ZNF385D: variants seen among roughly 807,000 people sequenced by gnomAD.
ZNF385D encodes the protein zinc finger protein 385D, also known as zinc finger protein 659.
A neutral mutation model predicts 35.8 loss-of-function variants in ZNF385D; 15 were observed. The observed-to-expected ratio is 0.42, with a 90% CI of 0.28 to 0.64. The LOEUF is 0.64. Among genes scored for constraint, ZNF385D ranks in the 30% least tolerant of loss-of-function variants. The pLI, the probability that ZNF385D is intolerant of heterozygous loss-of-function variation, is 0.23. For synonymous variants in ZNF385D, 212 were observed against 186.8 expected, an observed-to-expected ratio of 1.13 and a Z score of -1.10; for missense variants, 474 against 494.6, an observed-to-expected ratio of 0.96 and a Z score of 0.39.
intron 3 of ZNF385D, among the ~76,000 whole-genome samples, chr3:21,893,649 C>A (rs938749649): frequency 1.3e-5 from 2 of 152,072 alleles, no homozygotes; most frequent in Non-Finnish European, 2.9e-5. Context: ...TCTAGCCATG[C>A]CAAGACAGAG....
intron 3 of ZNF385D, among the ~76,000 whole-genome samples, chr3:21,846,090 G>A (rs17009800): frequency 0.039 from 5,937 of 151,962 alleles, 397 homozygotes; most frequent in African/African-American, 0.13. Flanking sequence ...TGTCCATCGG[G>A]GTCACAGGAG....
At position 21,895,676 on chromosome 3, in the gene ZNF385D, T is replaced by C. The variant is rs372091516; in HGVS notation, c.326-230648A>G. On this transcript the variant is annotated intron_variant, in intron 3 of 5. Coordinates refer to the ZNF385D transcript ENST00000494108. ...TTTTTAAACATGAAAGATTTCCCTTTGGGGAAAATAAAGTATAGTGGCAGT... is the reference window on the plus strand; with the variant it reads ...TTTTTAAACATGAAAGATTTCCCTTCGGGGAAAATAAAGTATAGTGGCAGT... Among the ~76,000 whole-genome samples, 30 of 151,988 alleles carry C rather than the reference T, an allele frequency of 2.0e-4. No homozygotes were observed. The South Asian group carries it at 4.2e-3, about 21-fold the overall frequency.
chr3:21,480,473 A>C (rs1277922812), intron 4 of ZNF385D, among the ~76,000 whole-genome samples: 2 of 152,054 alleles, frequency 1.3e-5, no homozygotes, highest in South Asian at 2.1e-4. Flanking sequence ...GAGTTGCTTG[A>C]TTTGGCAGTA....
At chr3:21,555,947 A>T (rs1392818937) in intron 3 of ZNF385D, among the ~76,000 whole-genome samples, 2 of 151,240 alleles carry the variant, frequency 1.3e-5, no homozygotes, top group South Asian at 4.2e-4. Context: ...TTTGATTTGC[A>T]TTTCTCTAGT....
At chr3:21,906,340 A>G (rs1192920895) in intron 3 of ZNF385D, among the ~76,000 whole-genome samples, 2 of 152,190 alleles carry the variant, frequency 1.3e-5, no homozygotes, top group Admixed American at 6.6e-5. Flanking sequence ...TAATTGCTCA[A>G]TGACTTACAA....
At chr3:21,899,145 T>C (rs1208065792) in intron 3 of ZNF385D, among the ~76,000 whole-genome samples, 1 of 152,052 alleles carries the variant, frequency 6.6e-6, no homozygotes, top group Non-Finnish European at 1.5e-5. Context: ...GAGGGTGTCC[T>C]ACTAGCATAT....
intron 3 of ZNF385D, among the ~76,000 whole-genome samples, chr3:21,784,634 TTTAATTAA>T (rs144730420): frequency 6.6e-6 from 1 of 151,846 alleles, no homozygotes; most frequent in African/African-American, 2.4e-5. Flanking sequence ...TAAATAGTAC[TTTAATTAA>T]TTAATTAATG....
intron 3 of ZNF385D, among the ~76,000 whole-genome samples, chr3:22,087,245 G>A (rs1232710804): frequency 3.3e-5 from 5 of 151,512 alleles, no homozygotes; most frequent in African/African-American, 1.2e-4. Flanking sequence ...TTTCACTGTG[G>A]CCACATCTAT....
chr3:22,147,590 A>T (rs981118195), intron 3 of ZNF385D, among the ~76,000 whole-genome samples: 10 of 152,210 alleles, frequency 6.6e-5, no homozygotes, highest in South Asian at 2.1e-4. Flanking sequence ...TCATATGCTT[A>T]CTATGTATGG....
rs35586361 is a variant in ZNF385D, at chr3:21,694,042, C to CTTTTTTT, written c.23-29021_23-29015dup. On this transcript the variant is annotated intron_variant, in intron 1 of 7. Transcript: ENST00000281523. Reference sequence around the variant, plus strand: ...TACAGGCGCGTGCCACTACGCCTGGCTTTTTTTTTTTTTTTTTTTGAGACA... The same window carrying CTTTTTTT: ...TACAGGCGCGTGCCACTACGCCTGGCTTTTTTTTTTTTTTTTTTTTTTTTTTGAGACA... 1.0e-3 allele frequency among the ~76,000 whole-genome samples: 23 copies of CTTTTTTT among 22,166 alleles called. 3 individuals are homozygous for CTTTTTTT. The highest frequency in any genetic ancestry group is 1.6e-3 in the East Asian group (2 of 1,228). The allele number at this position is 22,166 out of a possible 152,430, so 14.5% of individuals were successfully genotyped here. A position where few individuals can be genotyped will look rare whatever the true frequency, so the allele number is the denominator to read the frequency against.
intron 2 of ZNF385D, among the ~76,000 whole-genome samples, chr3:22,281,579 G>C (rs1701743048): frequency 6.6e-6 from 1 of 152,024 alleles, no homozygotes; most frequent in South Asian, 2.1e-4. Flanking sequence ...CGCATCCCTT[G>C]TATGAAATCC....
At chr3:21,714,714 C>T (rs1427520051) in intron 1 of ZNF385D, among the ~76,000 whole-genome samples, 2 of 152,208 alleles carry the variant, frequency 1.3e-5, no homozygotes, top group African/African-American at 4.8e-5. Flanking sequence ...CTATATCCAT[C>T]TCCAGCTAAC....
chr3:21,750,959 G>T lies in ZNF385D; in HGVS notation c.-43C>A, dbSNP rs765259099. ...TCCCACCGCGGTGTCTTCAGCATCAGCTCTCACCCAAGGCTGGCACGTAGA... is the reference window on the plus strand; with the variant it reads ...TCCCACCGCGGTGTCTTCAGCATCATCTCTCACCCAAGGCTGGCACGTAGA... On this transcript the variant is annotated 5_prime_UTR_variant, in exon 1 of 8. It adds an upstream start codon to the 5' untranslated region. Transcript: ENST00000281523. 3 of 1,613,812 alleles carry T rather than the reference G, an allele frequency of 1.9e-6. No individual in the cohort carries two copies. In the African/African-American group the frequency reaches 4.0e-5, roughly 22 times the overall value.
At chr3:22,162,593 T>C (rs763763341) in intron 3 of ZNF385D, among the ~76,000 whole-genome samples, 1 of 152,176 alleles carries the variant, frequency 6.6e-6, no homozygotes, top group African/African-American at 2.4e-5. Context: ...CATGCTTTCC[T>C]TCCCTCACTG....
At chr3:22,044,512 T>C (rs67155598) in intron 3 of ZNF385D, among the ~76,000 whole-genome samples, 15,880 of 152,128 alleles carry the variant, frequency 0.1, 1,092 homozygotes, top group South Asian at 0.25. Flanking sequence ...ATTTTAATAC[T>C]GAGAAGAGCA....
At chr3:22,169,982 G>A (rs981250566) in intron 2 of ZNF385D, among the ~76,000 whole-genome samples, 4 of 152,102 alleles carry the variant, frequency 2.6e-5, no homozygotes, top group East Asian at 1.9e-4. Context: ...AATAATTAGA[G>A]TAACTATTGT....
At chr3:21,602,517 C>CCTT (rs2064333283) in intron 2 of ZNF385D, among the ~76,000 whole-genome samples, 1 of 62,710 alleles carries the variant, frequency 1.6e-5, no homozygotes, top group African/African-American at 7.6e-5. Flanking sequence ...CCTGCATTTT[C>CCTT]TTTTTTTTTT....
chr3:22,098,478 T>C (rs1402705261), intron 3 of ZNF385D, among the ~76,000 whole-genome samples: 2 of 152,226 alleles, frequency 1.3e-5, no homozygotes, highest in African/African-American at 2.4e-5. Flanking sequence ...TAAATTTATG[T>C]GGATAATTAG....
intron 3 of ZNF385D, among the ~76,000 whole-genome samples, chr3:21,822,908 G>A (rs1220942524): frequency 6.6e-6 from 1 of 151,852 alleles, no homozygotes; most frequent in Non-Finnish European, 1.5e-5. Context: ...TCAGAGATAT[G>A]GGCATATAGT....
Sources: allele counts gnomAD v4.1 joint callset (sites outside exome capture counted in the v4.1 genomes callset), GRCh38; gene constraint gnomAD v4.1.1; transcripts MANE v1.5; gene names NCBI Gene and HGNC (gene_info 2026-07-23, HGNC 2026-07-21).